The following JHY variants were observed in gnomAD, a reference collection of about 807,000 sequenced individuals.
The protein encoded by JHY is jhy protein homolog.
JHY carries 69 observed loss-of-function variants against 78.0 expected under a neutral mutation model. That is an observed-to-expected ratio of 0.88 (90% CI 0.73 to 1.08). JHY has a LOEUF of 1.08. Ranked by LOEUF, JHY falls within the 50% of genes least tolerant of loss-of-function variation. The pLI is 0.00. For synonymous variants in JHY, 368 were observed against 342.6 expected (o/e 1.07, Z -0.82); for missense variants, 944 against 927.8 (o/e 1.02, Z -0.23).
intron 6 of JHY, chr11:122,947,099 C>T (rs928441171): frequency 4.0e-6 from 1 of 250,232 alleles, no homozygotes. Context: ...AACATCTCTT[C>T]CTTAGGAAAG....
rs201570123 is a variant in JHY at position 122,956,165 on chromosome 11, A to AT, written c.1930-331_1930-330insT. On this transcript the variant is annotated intron_variant, in intron 6 of 8. Transcript: ENST00000227349. ...CAAAACCAGGTATCTCCAAAAAAAA[A>AT]AAAATAAAATAAAAAACATTCGTAA... is the stretch of plus-strand genomic sequence containing the variant. Among the ~76,000 whole-genome samples, 156 of 152,010 alleles carry AT rather than the reference A, an allele frequency of 1.0e-3. 3 individuals are homozygous for AT. The highest frequency in any genetic ancestry group is 3.3e-3 in the African/African-American group (138 of 41,436).
chr11:122,886,299 G>T, intron 2 of JHY, 106 bp downstream of exon 2: 2 of 1,077,174 alleles, frequency 1.9e-6, no homozygotes, highest in South Asian at 1.7e-5. Flanking sequence ...CCTAATGAGC[G>T]CCGTGTGTGA....
In JHY at chr11:122,935,379, C is replaced by T. The variant is rs1050433408; in HGVS notation, c.1634+304C>T. Among the ~76,000 whole-genome samples the T allele has an allele frequency of 6.6e-5, 10 of 152,048 alleles. No homozygotes were observed. Among genetic ancestry groups the T allele is most frequent in the African/African-American group, 2.4e-4 (10 of 41,394 alleles). On this transcript the variant is annotated intron_variant, in intron 5 of 8. Coordinates refer to ENST00000227349, the MANE Select transcript of JHY (RefSeq NM_024806.4). The surrounding 1 kb of genome is among the most constrained non-coding windows in gnomAD (Gnocchi z 4.5). ...CCTCCCAAGTAGCAGGGATTACAAGCGTTCACCACCACACCGGGCTAATTT... is the reference window on the plus strand; with the variant it reads ...CCTCCCAAGTAGCAGGGATTACAAGTGTTCACCACCACACCGGGCTAATTT...
chr11:122,949,293 T>G (rs1591398550), intron 6 of JHY, among the ~76,000 whole-genome samples: 1 of 152,088 alleles, frequency 6.6e-6, no homozygotes, highest in African/African-American at 2.4e-5. Flanking sequence ...AAAGAAGTAC[T>G]TTATTGTGTA....
chr11:122,942,055 A>G (rs936221862), intron 5 of JHY, among the ~76,000 whole-genome samples: 1 of 152,072 alleles, frequency 6.6e-6, no homozygotes, highest in Admixed American at 6.6e-5. Flanking sequence ...TATTTTTAGT[A>G]GAGACAGCGT....
At chr11:122,911,632 G>A (rs559002235) in intron 3 of JHY, among the ~76,000 whole-genome samples, 7 of 152,246 alleles carry the variant, frequency 4.6e-5, no homozygotes, top group Admixed American at 2.0e-4. Flanking sequence ...GAGACTGAGC[G>A]TGGTGGCTCA....
At chr11:122,907,737 G>A (rs964567645) in intron 3 of JHY, among the ~76,000 whole-genome samples, 15 of 151,396 alleles carry the variant, frequency 9.9e-5, no homozygotes, top group South Asian at 2.1e-4. Context: ...CCAGCTACTC[G>A]GGAGGCTGAG....
chr11:122,959,044 TTCC>T, intron 8 of JHY: 12 of 975,094 alleles, frequency 1.2e-5, no homozygotes, highest in Non-Finnish European at 1.5e-5. Flanking sequence ...ACTCCTTTTT[TTCC>T]ACAATATATT....
chr11:122,935,378 G>C lies in JHY; in HGVS notation c.1634+303G>C, dbSNP rs750625894. Reference sequence around the variant, plus strand: ...GCCTCCCAAGTAGCAGGGATTACAAGCGTTCACCACCACACCGGGCTAATT... The same window carrying C: ...GCCTCCCAAGTAGCAGGGATTACAACCGTTCACCACCACACCGGGCTAATT... On this transcript the variant is annotated intron_variant, in intron 5 of 8. Transcript: ENST00000227349. The surrounding 1 kb of genome is among the most constrained non-coding windows in gnomAD (Gnocchi z 4.5). Among the ~76,000 whole-genome samples the C allele has an allele frequency of 2.5e-4, 38 of 152,044 alleles. No homozygotes were observed. Among genetic ancestry groups the C allele is most frequent in the Non-Finnish European group, 5.0e-4 (34 of 68,022 alleles).
intron 5 of JHY, among the ~76,000 whole-genome samples, chr11:122,939,464 A>G (rs1028487333): frequency 1.3e-5 from 2 of 152,112 alleles, no homozygotes; most frequent in Admixed American, 1.3e-4. Context: ...GTCTGCTAAG[A>G]TAGTTACCAT....
intron 3 of JHY, among the ~76,000 whole-genome samples, chr11:122,911,945 T>C (rs1193648158): frequency 1.9e-5 from 2 of 103,456 alleles, no homozygotes; most frequent in East Asian, 6.0e-4. Flanking sequence ...AGAGACAAAG[T>C]AATGAGAGAG....
chr11:122,889,294 T>C (rs768202893), intron 2 of JHY, among the ~76,000 whole-genome samples: 4 of 150,010 alleles, frequency 2.7e-5, no homozygotes, highest in Admixed American at 1.3e-4. Flanking sequence ...CATGTGTATC[T>C]TGGGTATCCT....
chr11:122,959,031 T>C (rs1224837512), intron 8 of JHY: 2 of 982,020 alleles, frequency 2.0e-6, no homozygotes, highest in Admixed American at 1.2e-4. Context: ...GTATTATTCT[T>C]CAACTCCTTT....
chr11:122,951,796 A>G (rs754416052), intron 6 of JHY, among the ~76,000 whole-genome samples: 8 of 152,216 alleles, frequency 5.3e-5, no homozygotes, highest in Non-Finnish European at 1.0e-4. Context: ...ATCAAGTGTG[A>G]ACACCAGTGC....
chr11:122,916,611 G>T (rs564472255), intron 3 of JHY, among the ~76,000 whole-genome samples: 2 of 152,086 alleles, frequency 1.3e-5, no homozygotes, highest in South Asian at 4.2e-4. Flanking sequence ...GTGTGTTTTG[G>T]TTTTTTGTTT....
At chr11:122,894,190 C>T (rs1862688220) in intron 2 of JHY, among the ~76,000 whole-genome samples, 1 of 151,912 alleles carries the variant, frequency 6.6e-6, no homozygotes, top group Admixed American at 6.6e-5. Context: ...GCCCATAATC[C>T]CAGCTATTCA....
At chr11:122,936,144 T>C (rs1863751040) in intron 5 of JHY, among the ~76,000 whole-genome samples, 1 of 152,214 alleles carries the variant, frequency 6.6e-6, no homozygotes, top group South Asian at 2.1e-4. Context: ...TAAAAATTAC[T>C]TCAGGCACCA....
rs1210189065 is a variant in JHY at position 122,960,864 on chromosome 11, G to C, written c.*1419G>C. ...GCAGAGGAATAACATTGCTATGGCTGTGGAGGTTACTTACTGGGAATGACT... is the reference window on the plus strand; with the variant it reads ...GCAGAGGAATAACATTGCTATGGCTCTGGAGGTTACTTACTGGGAATGACT... On this transcript the variant is annotated 3_prime_UTR_variant, in exon 9 of 9. Transcript: ENST00000227349. 1.5e-6 allele frequency: 1 copy of C among 673,320 alleles called. No homozygotes were observed. The highest frequency in any genetic ancestry group is 2.9e-6 in the Non-Finnish European group (1 of 345,660). 41.7% of individuals were successfully genotyped at this position (673,320 alleles called of 1,614,324 possible). A position where few individuals can be genotyped will look rare whatever the true frequency, so the allele number is the denominator to read the frequency against.
At chr11:122,909,191 A>G (rs997802036) in intron 3 of JHY, among the ~76,000 whole-genome samples, 1 of 152,248 alleles carries the variant, frequency 6.6e-6, no homozygotes, top group African/African-American at 2.4e-5. Flanking sequence ...TTCAACTACA[A>G]TTAAACTATC....
Sources: allele counts gnomAD v4.1 joint callset (sites outside exome capture counted in the v4.1 genomes callset), GRCh38; gene constraint gnomAD v4.1.1; non-coding constraint Gnocchi (gnomAD v3.1); transcripts MANE v1.5; gene names NCBI Gene and HGNC (gene_info 2026-07-23, HGNC 2026-07-21).